The following SAMD4A variants were observed in gnomAD, a reference collection of about 807,000 sequenced individuals.
The protein encoded by SAMD4A is protein Smaug homolog 1.
Under a neutral mutation model 81.3 loss-of-function variants are expected in SAMD4A, and 33 were observed. The ratio of observed to expected loss-of-function variants is 0.41; its 90% CI spans 0.31 to 0.54. The LOEUF (loss-of-function observed/expected upper bound fraction) is 0.54, where lower values mean the gene tolerates loss of function less well. SAMD4A is among the 20% of genes least tolerant of loss of function. The pLI, the probability that SAMD4A is intolerant of heterozygous loss-of-function variation, is 0.37. For missense variants in SAMD4A, 854 were observed against 951.1 expected (o/e 0.90, Z 1.34); for synonymous variants, 389 against 382.1 (o/e 1.02, Z -0.21).
chr14:54,688,813 G>C (rs1594813893), intron 2 of SAMD4A, among the ~76,000 whole-genome samples: 1 of 152,158 alleles, frequency 6.6e-6, no homozygotes, highest in East Asian at 1.9e-4. Context: ...GCTATCAATT[G>C]GAGGCCATGA....
intron 2 of SAMD4A, among the ~76,000 whole-genome samples, chr14:54,614,810 T>G (rs1369656493): frequency 6.6e-6 from 1 of 152,146 alleles, no homozygotes; most frequent in African/African-American, 2.4e-5. Context: ...AACCCACTGT[T>G]TTCTCCCGAT....
At chr14:54,588,661 G>C (rs1417055330) in intron 2 of SAMD4A, among the ~76,000 whole-genome samples, 1 of 152,116 alleles carries the variant, frequency 6.6e-6, no homozygotes, top group Non-Finnish European at 1.5e-5. Flanking sequence ...TGAAGAGGCT[G>C]TCATTATTTT....
chr14:54,744,540 G>A (rs751014419), intron 4 of SAMD4A, among the ~76,000 whole-genome samples: 4 of 152,218 alleles, frequency 2.6e-5, no homozygotes, highest in Non-Finnish European at 5.9e-5. Context: ...TATCAAGAAT[G>A]ACCATGAGAA....
chr14:54,649,420 G>A (rs1328844369), intron 2 of SAMD4A, among the ~76,000 whole-genome samples: 1 of 152,212 alleles, frequency 6.6e-6, no homozygotes, highest in African/African-American at 2.4e-5. Flanking sequence ...CGTTGAAGCT[G>A]CAAAGCTATC....
chr14:54,708,910 A>T (rs1259851166), intron 3 of SAMD4A, among the ~76,000 whole-genome samples: 3 of 152,210 alleles, frequency 2.0e-5, no homozygotes, highest in African/African-American at 7.2e-5. Context: ...GCCACATGCT[A>T]GATTTTGGAT....
At chr14:54,727,976 G>A (rs1382192130) in intron 3 of SAMD4A, among the ~76,000 whole-genome samples, 1 of 152,088 alleles carries the variant, frequency 6.6e-6, no homozygotes, top group Non-Finnish European at 1.5e-5. Flanking sequence ...TGTTCTTTTT[G>A]CTGCTGGGGT....
intron 7 of SAMD4A, 62 bp from the exon 8 acceptor site, chr14:54,764,393 T>G (rs1309011019): frequency 1.8e-6 from 2 of 1,106,110 alleles, no homozygotes; most frequent in Admixed American, 4.0e-5. Flanking sequence ...GAAATGAGAG[T>G]CAGGTCCCAG....
rs528753661 is a variant in SAMD4A at position 54,673,600 on chromosome 14, G to C, written c.197-28462G>C. On this transcript the variant is annotated intron_variant, in intron 2 of 12. Coordinates refer to ENST00000554335, the MANE Select transcript of SAMD4A (RefSeq NM_015589.6). ...CTGGAAGTCCACTGAATTCTCACCTGCTTTCGGGATGCCCAGGCATCACTG... is the reference window on the plus strand; with the variant it reads ...CTGGAAGTCCACTGAATTCTCACCTCCTTTCGGGATGCCCAGGCATCACTG... 4.6e-5 allele frequency among the ~76,000 whole-genome samples: 7 copies of C among 152,310 alleles called. No individual in the cohort carries two copies. In the South Asian group the frequency reaches 1.5e-3, roughly 32 times the overall value.
At chr14:54,586,476 G>GCTGCATTT (rs1356129558) in intron 2 of SAMD4A, among the ~76,000 whole-genome samples, 1 of 152,088 alleles carries the variant, frequency 6.6e-6, no homozygotes, top group African/African-American at 2.4e-5. Flanking sequence ...ATTTGCTTTT[G>GCTGCATTT]GGTTCTTGAT....
chr14:54,736,979 A>T (rs1428166747), intron 3 of SAMD4A, 45 bp from the exon 4 acceptor site: 3 of 1,603,270 alleles, frequency 1.9e-6, no homozygotes, highest in Admixed American at 1.7e-5. Context: ...GTGTCCCAGG[A>T]TAAAGGGGGG....
At chr14:54,766,032 C>T (rs926428037) in intron 8 of SAMD4A, among the ~76,000 whole-genome samples, 1 of 152,146 alleles carries the variant, frequency 6.6e-6, no homozygotes, top group African/African-American at 2.4e-5. Flanking sequence ...ACGCCATCCT[C>T]TGAAATGTTT....
chr14:54,724,454 GAAC>G (rs1479196364), intron 3 of SAMD4A, among the ~76,000 whole-genome samples: 2 of 152,110 alleles, frequency 1.3e-5, no homozygotes, highest in Admixed American at 6.5e-5. Context: ...GGATTAAATG[GAAC>G]AACATGTTTA....
intron 2 of SAMD4A, among the ~76,000 whole-genome samples, chr14:54,667,991 C>CT (rs1180842543): frequency 7.9e-5 from 12 of 152,204 alleles, no homozygotes; most frequent in African/African-American, 2.9e-4. Context: ...CAGCTGTTCT[C>CT]TCCACCCCGG....
intron 2 of SAMD4A, among the ~76,000 whole-genome samples, chr14:54,683,138 C>T (rs571828517): frequency 3.9e-5 from 6 of 152,332 alleles, no homozygotes; most frequent in South Asian, 2.1e-4. Context: ...AAAGGAGGGC[C>T]ACCATCTCTC....
At chr14:54,578,297 A>G in intron 2 of SAMD4A, among the ~76,000 whole-genome samples, 1 of 152,180 alleles carries the variant, frequency 6.6e-6, no homozygotes, top group East Asian at 1.9e-4. Flanking sequence ...TTAAGATTCT[A>G]TGATTTCTAT....
chr14:54,622,753 A>T (rs1422074808), intron 2 of SAMD4A, among the ~76,000 whole-genome samples: 1 of 152,206 alleles, frequency 6.6e-6, no homozygotes, highest in Admixed American at 6.5e-5. Flanking sequence ...TCTGTCGTGC[A>T]GCGTAGGCGT....
In SAMD4A at chr14:54,751,399, A is replaced by G. The variant is rs73273390; in HGVS notation, c.1090-52A>G. ...TCCAAGAATCTGTAAGCTGATTCTT[A>G]AAAATATGTTTTTAAATATACATTT... On this transcript the variant is annotated intron_variant, in intron 5 of 12. Coordinates refer to ENST00000554335, the MANE Select transcript of SAMD4A (RefSeq NM_015589.6). 525 of 1,218,782 alleles carry G rather than the reference A, an allele frequency of 4.3e-4. 2 individuals are homozygous for G. The African/African-American group carries it at 7.2e-3, about 17-fold the overall frequency. The allele number at this position is 1,218,782 out of a possible 1,614,324, so 75.5% of individuals were successfully genotyped here.
At chr14:54,660,465 C>T (rs546276309) in intron 2 of SAMD4A, among the ~76,000 whole-genome samples, 2 of 152,336 alleles carry the variant, frequency 1.3e-5, no homozygotes, top group Admixed American at 1.3e-4. Context: ...TCCCCTAATA[C>T]TGATGGGACA....
At chr14:54,680,880 C>T (rs2036109077) in intron 2 of SAMD4A, among the ~76,000 whole-genome samples, 2 of 152,198 alleles carry the variant, frequency 1.3e-5, no homozygotes, top group African/African-American at 4.8e-5. Flanking sequence ...TTCACTCCCA[C>T]CCTGCCAGCG....
Sources: allele counts gnomAD v4.1 joint callset (sites outside exome capture counted in the v4.1 genomes callset), GRCh38; gene constraint gnomAD v4.1.1; transcripts MANE v1.5; gene names NCBI Gene and HGNC (gene_info 2026-07-23, HGNC 2026-07-21).